The following ABCA4 variants were observed in gnomAD, a reference collection of about 807,000 sequenced individuals.
The protein encoded by ABCA4 is ATP binding cassette subfamily A member 4.
In ABCA4, 196 loss-of-function variants were observed where a neutral mutation model predicts 263.7. The ratio of observed to expected loss-of-function variants is 0.74; its 90% CI spans 0.66 to 0.84. The LOEUF (loss-of-function observed/expected upper bound fraction) is 0.84. Ranked by LOEUF, ABCA4 falls within the 40% of genes least tolerant of loss-of-function variation. ABCA4 has a pLI of 0.00. For synonymous variants in ABCA4, 1,133 were observed against 1,094.2 expected, an observed-to-expected ratio of 1.04 and a Z score of -0.70; for missense variants, 2,792 against 2,855.1, an observed-to-expected ratio of 0.98 and a Z score of 0.50.
At chr1:94,107,840 T>C (rs1406233716) in intron 4 of ABCA4, among the ~76,000 whole-genome samples, 1 of 152,194 alleles carries the variant, frequency 6.6e-6, no homozygotes, top group African/African-American at 2.4e-5. Context: ...CTTTTCATCT[T>C]GTTCATTTTC....
intron 19 of ABCA4, among the ~76,000 whole-genome samples, chr1:94,046,471 A>AAAAG (rs1660684601): frequency 6.7e-6 from 1 of 148,428 alleles, no homozygotes; most frequent in South Asian, 2.1e-4. Flanking sequence ...AAAAAAAAAA[A>AAAAG]AAAAAGAAAA....
chr1:94,027,736 C>T (rs1462981902), intron 30 of ABCA4, among the ~76,000 whole-genome samples: 2 of 152,176 alleles, frequency 1.3e-5, no homozygotes, highest in Admixed American at 1.3e-4. Flanking sequence ...TTAGCCATAG[C>T]CTTTTTTGTT....
At chr1:94,015,707 A>C in intron 37 of ABCA4, 32 bp downstream of exon 37, 15 of 1,558,226 alleles carry the variant, frequency 9.6e-6, no homozygotes, top group Non-Finnish European at 1.3e-5. Context: ...GCTTCTCTTC[A>C]GAGGCATTAG....
chr1:94,004,947 A>G lies in ABCA4; in HGVS notation c.6147+494T>C, dbSNP rs370654628. Among the ~76,000 whole-genome samples the G allele has an allele frequency of 4.6e-5, 7 of 152,216 alleles. No homozygotes were observed. In the East Asian group the frequency reaches 1.2e-3, roughly 25 times the overall value. On this transcript the variant is annotated intron_variant, in intron 44 of 49. Transcript: ENST00000370225. ...TTTTCCACTTTGCTTTTTATCATTTAACAGTATTTACTGGAAATATCTCCA... is the reference window on the plus strand; with the variant it reads ...TTTTCCACTTTGCTTTTTATCATTTGACAGTATTTACTGGAAATATCTCCA...
Position 94,008,266 on chromosome 1 carries a change from T to C in ABCA4, c.5867A>G (p.Asp1956Gly). The change falls in exon 42 of 50, where the codon GAC becomes GGC. Residue 1956 changes from aspartate to glycine, a missense_variant. By Grantham distance (94) the Asp-to-Gly change is moderately conservative. Transcript: ENST00000370225. ...IYPGTSSPAV[D>G]RLCVGVRPGE... ...AGGGCGAACTCCGACACACAGCCTG[T>C]CCACTGCTGGGCTGGAGGTGCCTGG... is the stretch of plus-strand genomic sequence containing the variant. 6.2e-7 allele frequency: 1 copy of C among 1,614,120 alleles called. No homozygotes were observed. The highest frequency in any genetic ancestry group is 8.5e-7 in the Non-Finnish European group (1 of 1,180,010).
At chr1:94,007,156 A>G (rs1659413169) in intron 43 of ABCA4, among the ~76,000 whole-genome samples, 1 of 152,170 alleles carries the variant, frequency 6.6e-6, no homozygotes. Context: ...AACTCAACCC[A>G]GAGGAAGGAT....
At chr1:94,094,545 A>C (rs1557801710) in intron 6 of ABCA4, among the ~76,000 whole-genome samples, 1 of 152,202 alleles carries the variant, frequency 6.6e-6, no homozygotes, top group Non-Finnish European at 1.5e-5. Flanking sequence ...AATGCCGAGG[A>C]GGCTGACTTT....
chr1:94,070,224 T>G (rs1312590415), intron 11 of ABCA4, among the ~76,000 whole-genome samples: 2 of 152,144 alleles, frequency 1.3e-5, no homozygotes, highest in Non-Finnish European at 2.9e-5. Flanking sequence ...TGAACTGCAG[T>G]TTGGGTTATC....
At chr1:94,086,785 G>T (rs1353943071) in intron 6 of ABCA4, among the ~76,000 whole-genome samples, 2 of 152,070 alleles carry the variant, frequency 1.3e-5, no homozygotes, top group Non-Finnish European at 2.9e-5. Flanking sequence ...CAGCATATGT[G>T]GCAGCACTTG....
At chr1:94,090,715 A>G (rs1661947556) in intron 6 of ABCA4, among the ~76,000 whole-genome samples, 1 of 152,206 alleles carries the variant, frequency 6.6e-6, no homozygotes, top group South Asian at 2.1e-4. Context: ...AAACTCATTA[A>G]GCATAGGAAT....
rs751681542 is a variant in ABCA4, at chr1:94,032,765, T to TAC, written c.3863-724_3863-723dup. Among the ~76,000 whole-genome samples, 26 of 152,200 alleles carry TAC rather than the reference T, an allele frequency of 1.7e-4. 1 individual carries two copies. Among genetic ancestry groups the TAC allele is most frequent in the Middle Eastern group, 3.4e-3 (1 of 294 alleles). ...CACAAAGAAAAACTGACATCTTATG[T>TAC]ACACACACACACATAATTGTAAAAC... On this transcript the variant is annotated intron_variant, in intron 26 of 49. Transcript: ENST00000370225.
intron 11 of ABCA4, 130 bp downstream of exon 11, chr1:94,077,560 A>G (rs1327764638): frequency 1.2e-5 from 10 of 829,672 alleles, no homozygotes; most frequent in Non-Finnish European, 1.5e-5. Flanking sequence ...CAGGGGATGT[A>G]GGGATTCTTG....
intron 30 of ABCA4, among the ~76,000 whole-genome samples, chr1:94,028,298 G>A (rs753020778): frequency 1.3e-5 from 2 of 152,136 alleles, no homozygotes; most frequent in African/African-American, 2.4e-5. Context: ...TATCAACCAC[G>A]GACACAGCCT....
chr1:94,112,576 T>A (rs7531875), intron 2 of ABCA4, among the ~76,000 whole-genome samples: 5,567 of 152,120 alleles, frequency 0.037, 280 homozygotes, highest in East Asian at 0.14. Flanking sequence ...GGTGGGAGGA[T>A]CACTTGAGGC....
In ABCA4 at chr1:94,037,053, T is replaced by C. The variant is rs1224182139; in HGVS notation, c.3813+92A>G. The C allele has an allele frequency of 1.8e-5, 25 of 1,376,392 alleles. No homozygotes were observed. The Admixed American group carries it at 4.0e-4, about 22-fold the overall frequency. The allele number at this position is 1,376,392 out of a possible 1,614,324, so 85.3% of individuals were successfully genotyped here. A position where few individuals can be genotyped will look rare whatever the true frequency, so the allele number is the denominator to read the frequency against. On this transcript the variant is annotated intron_variant, in intron 25 of 49. Transcript: ENST00000370225. ...GCTTGGGTGGGGAACGATGGCTTTT[T>C]GCTTTTACAAAACTTTGCTCTAATG...
intron 11 of ABCA4, among the ~76,000 whole-genome samples, chr1:94,065,668 A>G (rs1319472779): frequency 1.3e-5 from 2 of 152,244 alleles, no homozygotes; most frequent in East Asian, 3.9e-4. Context: ...TCTTCTAGAT[A>G]AAAAGGAAGA....
At chr1:94,065,711 G>A (rs955871884) in intron 11 of ABCA4, among the ~76,000 whole-genome samples, 1 of 152,194 alleles carries the variant, frequency 6.6e-6, no homozygotes, top group Non-Finnish European at 1.5e-5. Context: ...TATGGGCAGA[G>A]GAACACAGGT....
At chr1:93,997,763 T>C (rs927539996) in intron 48 of ABCA4, 98 bp downstream of exon 48, 2 of 1,494,672 alleles carry the variant, frequency 1.3e-6, no homozygotes, top group Non-Finnish European at 1.8e-6. Flanking sequence ...TTGTTAAAAA[T>C]CGGGAATGTT....
intron 44 of ABCA4, among the ~76,000 whole-genome samples, chr1:94,004,459 A>G (rs927227242): frequency 2.0e-5 from 3 of 152,192 alleles, no homozygotes; most frequent in Non-Finnish European, 4.4e-5. Flanking sequence ...AACTAAAAAG[A>G]ACTCAGAAAT....
Sources: allele counts gnomAD v4.1 joint callset (sites outside exome capture counted in the v4.1 genomes callset), GRCh38; gene constraint gnomAD v4.1.1; transcripts MANE v1.5; gene names NCBI Gene and HGNC (gene_info 2026-07-23, HGNC 2026-07-21).